Variants in CNTN5 observed in about 807,000 individuals in gnomAD.
CNTN5 encodes the protein contactin 5, also known as contactin-5.
CNTN5 carries 77 observed loss-of-function variants against 129.1 expected under a neutral mutation model. The observed-to-expected ratio is 0.60, with a 90% CI of 0.50 to 0.72. The LOEUF is 0.72. CNTN5 is among the 30% of genes least tolerant of loss of function. The pLI is 0.00. For missense variants in CNTN5, 1,478 were observed against 1,328.8 expected (o/e 1.11, Z -1.75); for synonymous variants, 509 against 465.6 (o/e 1.09, Z -1.20).
At chr11:99,292,330 G>A (rs1864204592) in intron 1 of CNTN5, among the ~76,000 whole-genome samples, 1 of 151,638 alleles carries the variant, frequency 6.6e-6, no homozygotes, top group African/African-American at 2.4e-5. Context: ...TAAAAATATG[G>A]TAGGTCAAAG....
chr11:100,080,160 A>G (rs1311530458), intron 13 of CNTN5, among the ~76,000 whole-genome samples: 1 of 152,178 alleles, frequency 6.6e-6, no homozygotes, highest in Non-Finnish European at 1.5e-5. Context: ...ATTTCAACAT[A>G]TTTTAAGCAC....
intron 2 of CNTN5, among the ~76,000 whole-genome samples, chr11:99,490,098 A>C (rs1206150471): frequency 1.3e-5 from 2 of 152,156 alleles, no homozygotes; most frequent in African/African-American, 4.8e-5. Context: ...AGAATTACTA[A>C]GTTTTATTTC....
intron 3 of CNTN5, among the ~76,000 whole-genome samples, chr11:99,713,076 A>G (rs535920402): frequency 1.3e-4 from 20 of 152,128 alleles, no homozygotes; most frequent in African/African-American, 4.1e-4. Context: ...ACTTCGGGCA[A>G]TGTTGCCATT....
At chr11:100,224,963 G>GA in intron 16 of CNTN5, 151 bp downstream of exon 16, 3 of 712,724 alleles carry the variant, frequency 4.2e-6, no homozygotes, top group Non-Finnish European at 6.1e-6. Flanking sequence ...TTTTGCCTTT[G>GA]AAAAAATTAC....
chr11:99,279,870 T>G (rs1335946598), intron 1 of CNTN5, among the ~76,000 whole-genome samples: 1 of 151,572 alleles, frequency 6.6e-6, no homozygotes, highest in South Asian at 2.1e-4. Flanking sequence ...GCTCGGTGCT[T>G]TCACCTGAAA....
chr11:100,141,930 G>A (rs1184386753), intron 13 of CNTN5, among the ~76,000 whole-genome samples: 1 of 152,064 alleles, frequency 6.6e-6, no homozygotes, highest in East Asian at 1.9e-4. Context: ...GGGCTGACAG[G>A]AAAGAGCTGC....
At chr11:99,100,918 C>A (rs1391492813) in intron 1 of CNTN5, among the ~76,000 whole-genome samples, 1 of 152,070 alleles carries the variant, frequency 6.6e-6, no homozygotes, top group East Asian at 1.9e-4. Flanking sequence ...TCTTACATGA[C>A]TTTTGTAAAA....
chr11:99,033,673 G>T (rs1157697117), intron 1 of CNTN5, among the ~76,000 whole-genome samples: 2 of 151,188 alleles, frequency 1.3e-5, no homozygotes, highest in African/African-American at 4.9e-5. Context: ...TTTGGGCTGA[G>T]ACAATGGGGT....
intron 1 of CNTN5, among the ~76,000 whole-genome samples, chr11:99,185,543 C>G (rs1223834984): frequency 6.6e-6 from 1 of 151,810 alleles, no homozygotes; most frequent in Non-Finnish European, 1.5e-5. Context: ...AAACAATATA[C>G]AGTGAAATCC....
chr11:99,232,606 A>C lies in CNTN5; in HGVS notation c.-209-92740A>C, dbSNP rs546407646. On this transcript the variant is annotated intron_variant, in intron 1 of 24. Coordinates refer to ENST00000524871, the MANE Select transcript of CNTN5 (RefSeq NM_014361.4). ...TATCATGTCTTCTGCAAACAAAGAC[A>C]ATTTGACTTCCTGTCTTCCTATTCG... 2.8e-4 allele frequency among the ~76,000 whole-genome samples: 43 copies of C among 152,216 alleles called. No individual in the cohort carries two copies. The South Asian group carries it at 8.3e-3, about 29-fold the overall frequency.
At chr11:100,118,569 G>A (rs1190889685) in intron 13 of CNTN5, among the ~76,000 whole-genome samples, 1 of 151,846 alleles carries the variant, frequency 6.6e-6, no homozygotes, top group Admixed American at 6.6e-5. Context: ...ATTGTCTTCA[G>A]CTGTACAGAG....
At position 99,625,915 on chromosome 11, in the gene CNTN5, TATATATATACAC is replaced by T. The variant is rs775463430; in HGVS notation, c.55+69648_55+69659del. On this transcript the variant is annotated intron_variant, in intron 3 of 24. Coordinates refer to ENST00000524871, the MANE Select transcript of CNTN5 (RefSeq NM_014361.4). ...AAGGGCAAGATTATATATATATATA[TATATATATACAC>T]ACACACACACACACACATAAATCTA... Among the ~76,000 whole-genome samples, 116 of 51,304 alleles carry T rather than the reference TATATATATACAC, an allele frequency of 2.3e-3. 1 individual carries two copies. Among genetic ancestry groups the T allele is most frequent in the South Asian group, 0.022 (32 of 1,454 alleles). 33.7% of individuals were successfully genotyped at this position (51,304 alleles called of 152,430 possible). A position where few individuals can be genotyped will look rare whatever the true frequency, so the allele number is the denominator to read the frequency against.
At chr11:99,865,748 C>T (rs1301076707) in intron 6 of CNTN5, among the ~76,000 whole-genome samples, 1 of 151,990 alleles carries the variant, frequency 6.6e-6, no homozygotes, top group African/African-American at 2.4e-5. Context: ...AACTCTTTTA[C>T]AGGCCATTAA....
At position 100,253,304 on chromosome 11, in the gene CNTN5, A is replaced by C. The variant is rs116170854; in HGVS notation, c.2006-2456A>C. Among the ~76,000 whole-genome samples, 509 of 152,300 alleles carry C rather than the reference A, an allele frequency of 3.3e-3. 4 individuals are homozygous for C. Among genetic ancestry groups the C allele is most frequent in the African/African-American group, 0.011 (474 of 41,580 alleles). ...AATCTCAGCTGTGCTGTTCCCTAGC[A>C]GAGTGATTTGAGCAAATAACTTCTC... On this transcript the variant is annotated intron_variant, in intron 16 of 24. Transcript: ENST00000524871.
chr11:99,608,610 A>T (rs1002149205), intron 3 of CNTN5, among the ~76,000 whole-genome samples: 3 of 152,172 alleles, frequency 2.0e-5, no homozygotes, highest in Non-Finnish European at 4.4e-5. Flanking sequence ...CAGGGAGATT[A>T]ACATAGTCAT....
chr11:99,354,190 T>C (rs1236246043), intron 2 of CNTN5, among the ~76,000 whole-genome samples: 3 of 152,192 alleles, frequency 2.0e-5, no homozygotes, highest in Non-Finnish European at 4.4e-5. Context: ...TAAATGCTCA[T>C]TTAGTATAAC....
intron 2 of CNTN5, among the ~76,000 whole-genome samples, chr11:99,459,490 G>A (rs908469623): frequency 3.0e-4 from 45 of 151,996 alleles, no homozygotes; most frequent in African/African-American, 1.1e-3. Context: ...CATTACAATG[G>A]AAGAGTCTGG....
chr11:100,017,979 CTTTTG>C (rs986150798), intron 9 of CNTN5, among the ~76,000 whole-genome samples: 1 of 151,880 alleles, frequency 6.6e-6, no homozygotes, highest in African/African-American at 2.4e-5. Flanking sequence ...TATTGTTTGA[CTTTTG>C]TTTGGGGGGG....
intron 15 of CNTN5, among the ~76,000 whole-genome samples, chr11:100,208,811 G>C (rs1462938809): frequency 6.6e-6 from 1 of 152,104 alleles, no homozygotes; most frequent in Non-Finnish European, 1.5e-5. Flanking sequence ...AAATCTAATG[G>C]TCAGTGGCTT....
Sources: gnomAD v4.1 joint callset for allele counts (sites outside exome capture counted in the v4.1 genomes callset) on GRCh38, gnomAD v4.1.1 for gene constraint, MANE v1.5 for transcripts, NCBI Gene and HGNC (gene_info 2026-07-23, HGNC 2026-07-21) for gene names.